Variants in SLC8A3 observed in about 807,000 individuals in gnomAD.
The protein encoded by SLC8A3 is solute carrier family 8 member A3.
In SLC8A3, 37 loss-of-function variants were observed where a neutral mutation model predicts 65.4. The ratio of observed to expected loss-of-function variants is 0.57; its 90% CI spans 0.44 to 0.74. The LOEUF (loss-of-function observed/expected upper bound fraction) is 0.74, where lower values mean the gene tolerates loss of function less well. Ranked by LOEUF, SLC8A3 falls within the 30% of genes least tolerant of loss-of-function variation. The pLI is 0.00. For missense variants in SLC8A3, 1,112 were observed against 1,172.1 expected (o/e 0.95, Z 0.75); for synonymous variants, 461 against 444.5 (o/e 1.04, Z -0.47).
chr14:70,058,344 AC>A (rs138194242), intron 3 of SLC8A3, among the ~76,000 whole-genome samples: 11,586 of 152,258 alleles, frequency 0.076, 526 homozygotes, highest in Non-Finnish European at 0.11. Flanking sequence ...AGGTTTTATG[AC>A]CTTTCACCTT....
chr14:70,085,812 A>G (rs1891389909), intron 2 of SLC8A3, among the ~76,000 whole-genome samples: 1 of 152,206 alleles, frequency 6.6e-6, no homozygotes, highest in South Asian at 2.1e-4. Context: ...TGCTCCAGGC[A>G]CTACTATGTG....
In SLC8A3 at chr14:70,075,245, G is replaced by A. The variant is rs139812177; in HGVS notation, c.1785-14306C>T. The stretch of plus-strand genomic sequence containing the variant: ...TAAGCCTTTCAGGAAGCCAGACAAC[G>A]TTCTCAGCCTTTCGGGCTCTCTGTT... On this transcript the variant is annotated intron_variant, in intron 2 of 6. Transcript: ENST00000356921. Among the ~76,000 whole-genome samples the A allele has an allele frequency of 6.9e-3, 1,045 of 152,168 alleles. 11 individuals carry two copies. The highest frequency in any genetic ancestry group is 0.024 in the African/African-American group (976 of 41,514).
At chr14:70,066,429 A>T (rs1452647823) in intron 2 of SLC8A3, among the ~76,000 whole-genome samples, 6 of 152,088 alleles carry the variant, frequency 3.9e-5, no homozygotes, top group African/African-American at 1.2e-4. Flanking sequence ...ATCACCCCTC[A>T]TTCTTTCCTC....
chr14:70,161,478 A>T (rs986701485), intron 2 of SLC8A3, among the ~76,000 whole-genome samples: 2 of 152,034 alleles, frequency 1.3e-5, no homozygotes, highest in African/African-American at 4.8e-5. Context: ...CCAAGTACAC[A>T]GCTCCACTGA....
intron 3 of SLC8A3, chr14:70,055,867 A>G: frequency 6.5e-7 from 1 of 1,533,564 alleles, no homozygotes; most frequent in East Asian, 2.3e-5. Context: ...AAGAGCATTA[A>G]TGTCCCATCT....
At position 70,052,069 on chromosome 14, in the gene SLC8A3, C is replaced by CCTG; in HGVS notation, c.1933_1934insCAG (p.Arg645delinsThrGly). ...TACTGGCTTTCCCATCTCTGCTATC[C>CCTG]TCTTGGCCTCCTCTTCTTCCATAGT... On this transcript the variant is annotated protein_altering_variant, in exon 4 of 7. Coordinates refer to ENST00000356921, the MANE Select transcript of SLC8A3 (RefSeq NM_182932.3). The CCTG allele has an allele frequency of 6.2e-7, 1 of 1,608,358 alleles. No homozygotes were observed. Among genetic ancestry groups the CCTG allele is most frequent in the Non-Finnish European group, 8.5e-7 (1 of 1,178,600 alleles).
intron 1 of SLC8A3, among the ~76,000 whole-genome samples, chr14:70,175,737 C>CT (rs537283424): frequency 0.027 from 3,469 of 126,766 alleles, 152 homozygotes; most frequent in African/African-American, 0.094. Flanking sequence ...TTTTTTTTTT[C>CT]TTTTTTTTTT....
chr14:70,184,562 C>G (rs1335671220), intron 1 of SLC8A3, among the ~76,000 whole-genome samples: 1 of 152,226 alleles, frequency 6.6e-6, no homozygotes, highest in African/African-American at 2.4e-5. Flanking sequence ...AAAGCTAACT[C>G]CTACCTATCC....
At chr14:70,143,495 G>A (rs1311747828) in intron 2 of SLC8A3, among the ~76,000 whole-genome samples, 1 of 152,068 alleles carries the variant, frequency 6.6e-6, no homozygotes, top group Non-Finnish European at 1.5e-5. Context: ...TTAGGGCAAG[G>A]GTTCTCAATC....
At chr14:70,105,516 GA>G (rs1264598912) in intron 2 of SLC8A3, among the ~76,000 whole-genome samples, 2 of 152,026 alleles carry the variant, frequency 1.3e-5, no homozygotes, top group East Asian at 3.8e-4. Context: ...CAAACTTCTT[GA>G]AAAACACAAT....
In SLC8A3 at chr14:70,103,448, T is replaced by C. The variant is rs531452008; in HGVS notation, c.1785-42509A>G. 2.0e-5 allele frequency among the ~76,000 whole-genome samples: 3 copies of C among 152,188 alleles called. No homozygotes were observed. The East Asian group carries it at 5.8e-4, about 29-fold the overall frequency. On this transcript the variant is annotated intron_variant, in intron 2 of 6. Coordinates refer to ENST00000356921, the MANE Select transcript of SLC8A3 (RefSeq NM_182932.3). ...TTCACACAAGGATTTGGAAAAAGAT[T>C]ATAACACTCTATTGTGGATTTTACA...
intron 2 of SLC8A3, among the ~76,000 whole-genome samples, chr14:70,069,413 C>T (rs766418003): frequency 6.6e-6 from 1 of 152,168 alleles, no homozygotes; most frequent in Non-Finnish European, 1.5e-5. Context: ...TGTCAAGAAG[C>T]GTTCCCTTTC....
rs1892307506 is a variant in SLC8A3, at chr14:70,098,082, T to C, written c.1785-37143A>G. On this transcript the variant is annotated intron_variant, in intron 2 of 6. Coordinates refer to ENST00000356921, the MANE Select transcript of SLC8A3 (RefSeq NM_182932.3). ...GCAACATCAATCACACTCCCTAGCA[T>C]AAGTGTCACCCTGGCTGGGCCAACT... 2.0e-5 allele frequency among the ~76,000 whole-genome samples: 3 copies of C among 152,132 alleles called. No individual in the cohort carries two copies. The South Asian group carries it at 6.2e-4, about 32-fold the overall frequency.
At chr14:70,180,000 C>T (rs61286200) in intron 1 of SLC8A3, among the ~76,000 whole-genome samples, 15,984 of 152,140 alleles carry the variant, frequency 0.11, 1,135 homozygotes, top group African/African-American at 0.19. Context: ...GAGGAAGCAT[C>T]CCCTGCAACT....
intron 2 of SLC8A3, among the ~76,000 whole-genome samples, chr14:70,097,105 A>C (rs995016066): frequency 6.6e-6 from 1 of 152,170 alleles, no homozygotes; most frequent in African/African-American, 2.4e-5. Context: ...AAGGCAGGAC[A>C]CAGTTCTGCA....
At position 70,076,533 on chromosome 14, in the gene SLC8A3, A is replaced by G. The variant is rs1451350152; in HGVS notation, c.1785-15594T>C. ...CTTTCTCACTGCAGAGACAATCTTA[A>G]TGCTTAGTGTGTGATTTGTGCTAGG... On this transcript the variant is annotated intron_variant, in intron 2 of 6. Coordinates refer to ENST00000356921, the MANE Select transcript of SLC8A3 (RefSeq NM_182932.3). Among the ~76,000 whole-genome samples the G allele has an allele frequency of 2.6e-5, 4 of 152,134 alleles. No individual in the cohort carries two copies. The East Asian group carries it at 7.7e-4, about 29-fold the overall frequency.
chr14:70,086,388 CTTTTTCTTTTTTCTTTT>C (rs952912470), intron 2 of SLC8A3, among the ~76,000 whole-genome samples: 2 of 135,264 alleles, frequency 1.5e-5, no homozygotes, highest in Non-Finnish European at 3.0e-5. Flanking sequence ...TTTCTTTTTT[CTTTTTCTTTTTTCTTTT>C]TTTTTTTTTT....
At chr14:70,184,683 A>G (rs1883039315) in intron 1 of SLC8A3, among the ~76,000 whole-genome samples, 2 of 152,114 alleles carry the variant, frequency 1.3e-5, no homozygotes, top group Non-Finnish European at 1.5e-5. Flanking sequence ...GGCATAAATC[A>G]CTTTATACAG....
At chr14:70,130,361 C>A (rs189977112) in intron 2 of SLC8A3, among the ~76,000 whole-genome samples, 1 of 152,326 alleles carries the variant, frequency 6.6e-6, no homozygotes, top group East Asian at 1.9e-4. Context: ...GGCTGGGGGG[C>A]AGATGCTGGG....
Sources: gnomAD v4.1 joint callset for allele counts (sites outside exome capture counted in the v4.1 genomes callset) on GRCh38, gnomAD v4.1.1 for gene constraint, MANE v1.5 for transcripts, NCBI Gene and HGNC (gene_info 2026-07-23, HGNC 2026-07-21) for gene names.